The following HS6ST2 variants were observed in gnomAD, a reference collection of about 807,000 sequenced individuals.
The protein encoded by HS6ST2 is heparan sulfate 6-O-sulfotransferase 2, also known as heparan-sulfate 6-O-sulfotransferase 2.
In HS6ST2, 17 loss-of-function variants were observed where a neutral mutation model predicts 33.0. The ratio of observed to expected loss-of-function variants is 0.52; its 90% CI spans 0.35 to 0.77. The LOEUF is 0.77. Ranked by LOEUF, HS6ST2 falls within the 30% of genes least tolerant of loss-of-function variation. The probability of loss-of-function intolerance (pLI) is 0.01; values close to 1 mark genes in which losing one functional copy is unlikely to be tolerated. For synonymous variants in HS6ST2, 248 were observed against 237.1 expected, an observed-to-expected ratio of 1.05 and a Z score of -0.42; for missense variants, 519 against 551.7, an observed-to-expected ratio of 0.94 and a Z score of 0.59.
chrX:132,740,353 T>G (rs995013744), intron 2 of HS6ST2, among the ~76,000 whole-genome samples: 6 of 112,107 alleles, frequency 5.4e-5, no homozygotes, highest in African/African-American at 2.0e-4. Flanking sequence ...CACACTGCTC[T>G]GCAGATGTAA....
At chrX:132,892,072 G>T (rs1291463003) in intron 2 of HS6ST2, among the ~76,000 whole-genome samples, 1 of 111,744 alleles carries the variant, frequency 8.9e-6, no homozygotes, top group Non-Finnish European at 1.9e-5. Context: ...TTTGATGATC[G>T]CCATTCTAAC....
At chrX:132,840,714 T>C (rs971982516) in intron 2 of HS6ST2, among the ~76,000 whole-genome samples, 2 of 111,457 alleles carry the variant, frequency 1.8e-5, no homozygotes, top group African/African-American at 6.5e-5. Flanking sequence ...TATCTGGCCA[T>C]GACTAAGAAT....
At chrX:132,631,543 C>G (rs2063517165) in intron 4 of HS6ST2, among the ~76,000 whole-genome samples, 1 of 109,618 alleles carries the variant, frequency 9.1e-6, no homozygotes, top group African/African-American at 3.4e-5. Context: ...TCAGTGCATA[C>G]TTATTGAGCC....
chrX:132,741,256 G>A (rs2064573108), intron 2 of HS6ST2, among the ~76,000 whole-genome samples: 1 of 110,935 alleles, frequency 9.0e-6, no homozygotes, highest in Admixed American at 9.6e-5. Context: ...TAGCCCTAAA[G>A]GCAGCATGGT....
chrX:132,867,162 C>T (rs1439460520), intron 2 of HS6ST2, among the ~76,000 whole-genome samples: 1 of 105,042 alleles, frequency 9.5e-6, no homozygotes, highest in African/African-American at 3.5e-5. Flanking sequence ...CCATCAATAC[C>T]TAATTTATTG....
intron 4 of HS6ST2, among the ~76,000 whole-genome samples, chrX:132,663,413 G>A (rs2063787749): frequency 8.9e-6 from 1 of 112,074 alleles, no homozygotes; most frequent in Admixed American, 9.5e-5. Context: ...ACTACTGAAG[G>A]AAAAGGTAGT....
chrX:132,710,408 T>G (rs2064221425), intron 2 of HS6ST2, among the ~76,000 whole-genome samples: 1 of 111,630 alleles, frequency 9.0e-6, no homozygotes, highest in Admixed American at 9.5e-5. Flanking sequence ...TAAAAAATAT[T>G]TATTATCTAT....
chrX:132,881,892 C>T (rs1001446998), intron 2 of HS6ST2, among the ~76,000 whole-genome samples: 1 of 111,778 alleles, frequency 8.9e-6, no homozygotes, highest in Non-Finnish European at 1.9e-5. Context: ...ATCCCTTCCC[C>T]ATTTCTGGTT....
Position 132,787,396 on chromosome X carries a change from G to A in HS6ST2, c.948-78902C>T, listed in dbSNP as rs1440095244. Among the ~76,000 whole-genome samples the A allele has an allele frequency of 3.1e-5, 3 of 97,093 alleles. No homozygotes were observed. The East Asian group carries it at 9.9e-4, about 32-fold the overall frequency. The allele number at this position is 97,093 out of a possible 115,157, so 84.3% of individuals were successfully genotyped here. ...CAACCTCCATCTCCCAGATTCAAAC[G>A]ATTCTCCTGCCTCAGCCTCCCAAGT... is the stretch of plus-strand genomic sequence containing the variant. On this transcript the variant is annotated intron_variant, in intron 2 of 4. Transcript: ENST00000370833.
chrX:132,936,419 G>A (rs1480777858), intron 2 of HS6ST2, among the ~76,000 whole-genome samples: 1 of 110,773 alleles, frequency 9.0e-6, no homozygotes, highest in Non-Finnish European at 1.9e-5. Flanking sequence ...TTAACACCAA[G>A]CTTTCACAAA....
chrX:132,628,031 T>C lies in HS6ST2; in HGVS notation c.*192A>G, dbSNP rs1159450297. ...ACCCCAAAAAGACAATTTAATTCCA[T>C]ATTGAGATTTGTTTTACCTACACAC... On this transcript the variant is annotated 3_prime_UTR_variant, in exon 5 of 5. Coordinates refer to ENST00000370833, the MANE Select transcript of HS6ST2 (RefSeq NM_001394073.1). 3.0e-6 allele frequency: 1 copy of C among 328,694 alleles called. No homozygotes were observed. The highest frequency in any genetic ancestry group is 4.4e-5 in the East Asian group (1 of 22,669). The allele number at this position is 328,694 out of a possible 1,213,427, so 27.1% of individuals were successfully genotyped here.
At chrX:132,958,987 T>C (rs1473140232), upstream of HS6ST2, 1 of 158,387 alleles carries the variant, frequency 6.3e-6, no homozygotes, top group Non-Finnish European at 1.2e-5. Flanking sequence ...TACCAAACCC[T>C]GTGCCTGCAG....
chrX:132,658,121 A>G (rs1179504330), intron 4 of HS6ST2, among the ~76,000 whole-genome samples: 3 of 110,858 alleles, frequency 2.7e-5, no homozygotes, highest in Non-Finnish European at 5.7e-5. Flanking sequence ...CAAAGCTGGG[A>G]GAATCATTAC....
Position 132,924,295 on chromosome X carries a change from A to G in HS6ST2, c.947+32513T>C, listed in dbSNP as rs1193516782. Among the ~76,000 whole-genome samples, 12 of 112,067 alleles carry G rather than the reference A, an allele frequency of 1.1e-4. No individual in the cohort carries two copies. The Admixed American group carries it at 1.1e-3, about 11-fold the overall frequency. On this transcript the variant is annotated intron_variant, in intron 2 of 4. Transcript: ENST00000370833. ...AGTATTTCGTGCTAAAGGGAAGAGC[A>G]ACAATAGTTGCAAAGTCACAGCATT...
Position 132,628,372 on chromosome X carries a change from G to C in HS6ST2, c.1789C>G (p.Leu597Val), listed in dbSNP as rs921595519. Reference sequence around the variant, plus strand: ...AGATTCTGCATCAGATTCTGAGTCAGGTTCTGATTGGCATTCGGATTTGGG... The same window carrying C: ...AGATTCTGCATCAGATTCTGAGTCACGTTCTGATTGGCATTCGGATTTGGG... ...QNPNPNANQN[L>V]TQNLMQNLTQ... Residue 597 changes from leucine (L) to valine (V), a missense_variant, in exon 5 of 5, where the codon CTG (leucine) becomes GTG (valine). Transcript: ENST00000370833. The C allele has an allele frequency of 1.7e-6, 2 of 1,173,761 alleles. No individual in the cohort carries two copies. The highest frequency in any genetic ancestry group is 2.5e-5 in the Admixed American group (1 of 40,277).
chrX:132,685,698 A>G (rs1228589851), intron 3 of HS6ST2, among the ~76,000 whole-genome samples: 2 of 111,420 alleles, frequency 1.8e-5, no homozygotes, highest in Non-Finnish European at 1.9e-5. Context: ...CAACCATAGG[A>G]CCCAGTCTGA....
chrX:132,869,288 C>A (rs1203358705), intron 2 of HS6ST2, among the ~76,000 whole-genome samples: 1 of 108,666 alleles, frequency 9.2e-6, no homozygotes, highest in Non-Finnish European at 2.0e-5. Context: ...GCAGTAATAG[C>A]CTACCAACGA....
At chrX:132,894,439 C>T (rs1197992245) in intron 2 of HS6ST2, among the ~76,000 whole-genome samples, 2 of 110,166 alleles carry the variant, frequency 1.8e-5, no homozygotes, top group African/African-American at 6.6e-5. Flanking sequence ...CTGTGCCAGG[C>T]CCGGGTTTCA....
intron 2 of HS6ST2, among the ~76,000 whole-genome samples, chrX:132,904,961 C>T (rs1251740337): frequency 1.8e-5 from 2 of 111,129 alleles, no homozygotes; most frequent in East Asian, 5.6e-4. Flanking sequence ...GGTGCCGCAT[C>T]GTGATTTTAA....
Sources: gnomAD v4.1 joint callset for allele counts (sites outside exome capture counted in the v4.1 genomes callset) on GRCh38, gnomAD v4.1.1 for gene constraint, MANE v1.5 for transcripts, NCBI Gene and HGNC (gene_info 2026-07-23, HGNC 2026-07-21) for gene names.